Variants in BCAR3 observed in about 807,000 individuals in gnomAD.
The protein encoded by BCAR3 is breast cancer anti-estrogen resistance protein 3.
In BCAR3, 37 loss-of-function variants were observed where a neutral mutation model predicts 80.1. The observed-to-expected ratio is 0.46, with a 90% CI of 0.36 to 0.61. The LOEUF is 0.61. Ranked by LOEUF, BCAR3 falls within the 20% of genes least tolerant of loss-of-function variation. The probability of loss-of-function intolerance (pLI) is 0.00; values close to 1 mark genes in which losing one functional copy is unlikely to be tolerated. For missense variants in BCAR3, 978 were observed against 1,068.2 expected (o/e 0.92, Z 1.18); for synonymous variants, 389 against 418.9 (o/e 0.93, Z 0.87).
At chr1:93,610,033 G>C (rs1674902152) in intron 3 of BCAR3, among the ~76,000 whole-genome samples, 2 of 152,236 alleles carry the variant, frequency 1.3e-5, no homozygotes, top group Non-Finnish European at 2.9e-5. Flanking sequence ...AATGTCTGCA[G>C]AATGCCCACC....
intron 7 of BCAR3, among the ~76,000 whole-genome samples, chr1:93,581,143 CAG>C (rs1455624961): frequency 1.4e-5 from 2 of 147,352 alleles, no homozygotes; most frequent in Admixed American, 6.8e-5. Context: ...GCCTGGGTGA[CAG>C]AGTGAGACCC....
At position 93,641,894 on chromosome 1, in the gene BCAR3, T is replaced by C. The variant is rs531087828; in HGVS notation, c.357+410A>G. Among the ~76,000 whole-genome samples the C allele has an allele frequency of 1.0e-3, 158 of 152,336 alleles. 1 individual carries two copies. The highest frequency in any genetic ancestry group is 3.7e-3 in the African/African-American group (154 of 41,586). On this transcript the variant is annotated intron_variant, in intron 3 of 11. Coordinates refer to ENST00000260502, the MANE Select transcript of BCAR3 (RefSeq NM_003567.4). Reference sequence around the variant, plus strand: ...AGCAAACTCATTTGGTGGCAAAATGTGACCTGAACTACACAAAATCATTTG... The same window carrying C: ...AGCAAACTCATTTGGTGGCAAAATGCGACCTGAACTACACAAAATCATTTG...
chr1:93,655,424 T>C (rs1647328711), intron 2 of BCAR3, among the ~76,000 whole-genome samples: 1 of 152,006 alleles, frequency 6.6e-6, no homozygotes, highest in African/African-American at 2.4e-5. Flanking sequence ...AAGAAATTTT[T>C]CCAAGAATAG....
At chr1:93,666,167 T>G (rs1308971560) in intron 2 of BCAR3, among the ~76,000 whole-genome samples, 3 of 152,204 alleles carry the variant, frequency 2.0e-5, no homozygotes, top group African/African-American at 2.4e-5. Flanking sequence ...AAAGGTAGAT[T>G]TCCTTTTGCC....
chr1:93,576,024 T>C lies in BCAR3; in HGVS notation c.1792A>G (p.Ile598Val), dbSNP rs1673442647. The C allele has an allele frequency of 6.2e-7, 1 of 1,614,116 alleles. No homozygotes were observed. Among genetic ancestry groups the C allele is most frequent in the Non-Finnish European group, 8.5e-7 (1 of 1,179,990 alleles). ...GACGGCACTGCTCACCTTTCAATTA[T>C]GTCCAGGCGCAGCTGGTGTCCGTGA... ...LPHGHQLRLDIIERHNTMAIG... is the reference protein window; with the variant it reads ...LPHGHQLRLDVIERHNTMAIG... Residue 598 changes from isoleucine (I) to valine (V), a missense_variant, in exon 8 of 12, where the codon ATA becomes GTA. Coordinates refer to ENST00000260502, the MANE Select transcript of BCAR3 (RefSeq NM_003567.4).
chr1:93,619,591 T>C (rs1318060630), intron 3 of BCAR3, among the ~76,000 whole-genome samples: 1 of 152,228 alleles, frequency 6.6e-6, no homozygotes, highest in Non-Finnish European at 1.5e-5. Flanking sequence ...TTGGTAGGCA[T>C]GAGCTATGTA....
chr1:93,811,702 G>A (rs892497712), intron 2 of BCAR3, among the ~76,000 whole-genome samples: 2 of 152,132 alleles, frequency 1.3e-5, no homozygotes, highest in African/African-American at 4.8e-5. Flanking sequence ...GGTAATCCTG[G>A]CTTTCTGGGT....
At chr1:93,634,391 G>A (rs1557632150) in intron 3 of BCAR3, among the ~76,000 whole-genome samples, 2 of 152,076 alleles carry the variant, frequency 1.3e-5, no homozygotes, top group South Asian at 2.1e-4. Context: ...GAGATCTGAT[G>A]TTTAAAATGG....
At chr1:93,647,758 C>T (rs1406753538) in intron 2 of BCAR3, among the ~76,000 whole-genome samples, 1 of 151,988 alleles carries the variant, frequency 6.6e-6, no homozygotes, top group African/African-American at 2.4e-5. Context: ...CGATAAAGTT[C>T]CTATGTATTG....
intron 2 of BCAR3, among the ~76,000 whole-genome samples, chr1:93,666,273 T>G (rs1385417258): frequency 1.3e-5 from 2 of 152,270 alleles, no homozygotes; most frequent in Admixed American, 6.5e-5. Context: ...AATTTTCTGA[T>G]AGTCAATTTA....
chr1:93,615,544 T>C (rs977809816), intron 3 of BCAR3, among the ~76,000 whole-genome samples: 1 of 152,102 alleles, frequency 6.6e-6, no homozygotes, highest in African/African-American at 2.4e-5. Flanking sequence ...CCACAGAAAG[T>C]CCACCAGAGA....
intron 2 of BCAR3, among the ~76,000 whole-genome samples, chr1:93,761,627 C>T (rs1286546137): frequency 6.6e-6 from 1 of 152,122 alleles, no homozygotes; most frequent in Non-Finnish European, 1.5e-5. Flanking sequence ...TACTGTGTGC[C>T]CTCAGCCATC....
At chr1:93,751,644 C>T (rs1036104676) in intron 2 of BCAR3, among the ~76,000 whole-genome samples, 1 of 152,206 alleles carries the variant, frequency 6.6e-6, no homozygotes, top group Non-Finnish European at 1.5e-5. Context: ...TCAAATAATT[C>T]ACAGAGCAAC....
At chr1:93,628,901 T>G (rs569352803) in intron 3 of BCAR3, among the ~76,000 whole-genome samples, 1 of 152,216 alleles carries the variant, frequency 6.6e-6, no homozygotes, top group Non-Finnish European at 1.5e-5. Flanking sequence ...TAAATGACTA[T>G]GTACTAACCA....
chr1:93,838,298 G>A (rs531527500), intron 2 of BCAR3, among the ~76,000 whole-genome samples: 7 of 152,320 alleles, frequency 4.6e-5, no homozygotes, highest in South Asian at 2.1e-4. Flanking sequence ...AAGTGGACAT[G>A]TGTGAAGGGG....
chr1:93,564,878 GC>G (rs1266817565), intron 11 of BCAR3, among the ~76,000 whole-genome samples: 1 of 152,116 alleles, frequency 6.6e-6, no homozygotes, highest in East Asian at 1.9e-4. Flanking sequence ...TCTGCTTAAG[GC>G]CAAAGATGTT....
chr1:93,830,776 C>T (rs970544998), intron 2 of BCAR3, among the ~76,000 whole-genome samples: 15 of 152,284 alleles, frequency 9.9e-5, no homozygotes, highest in Middle Eastern at 3.4e-3. Context: ...GACAGGAGGA[C>T]TCCTTCAGGA....
chr1:93,719,308 G>C (rs947411154), intron 2 of BCAR3, among the ~76,000 whole-genome samples: 21 of 131,392 alleles, frequency 1.6e-4, no homozygotes, highest in Admixed American at 6.9e-4. Flanking sequence ...AAAGGAGTAA[G>C]TTAGTCTCTA....
intron 9 of BCAR3, among the ~76,000 whole-genome samples, chr1:93,568,870 T>C (rs1336361708): frequency 1.3e-5 from 2 of 152,224 alleles, no homozygotes; most frequent in African/African-American, 4.8e-5. Context: ...TTGCCCAGGC[T>C]GGGGTGCAGT....
Sources: gnomAD v4.1 joint callset for allele counts (sites outside exome capture counted in the v4.1 genomes callset) on GRCh38, gnomAD v4.1.1 for gene constraint, MANE v1.5 for transcripts, NCBI Gene and HGNC (gene_info 2026-07-23, HGNC 2026-07-21) for gene names.